Variants in CENPW observed in about 807,000 individuals in gnomAD.
The protein encoded by CENPW is cancer-up-regulated gene 2 protein.
A neutral mutation model predicts 11.1 loss-of-function variants in CENPW; 3 were observed. The ratio of observed to expected loss-of-function variants is 0.27; its 90% CI spans 0.12 to 0.70. The LOEUF is 0.70. Ranked by LOEUF, CENPW falls within the 30% of genes least tolerant of loss-of-function variation. CENPW has a pLI of 0.77. For missense variants in CENPW, 100 were observed against 105.6 expected, an observed-to-expected ratio of 0.95 and a Z score of 0.23; for synonymous variants, 38 against 42.0, an observed-to-expected ratio of 0.91 and a Z score of 0.37.
chr6:126,482,987 A>AT, the CENPW span, among the ~76,000 whole-genome samples: 6 of 151,904 alleles, frequency 3.9e-5, no homozygotes, highest in South Asian at 2.1e-4. Flanking sequence ...CTATTTAGTT[A>AT]TTTTGATATT....
chr6:126,351,896 T>G (rs74340853), downstream of CENPW, among the ~76,000 whole-genome samples: 2,053 of 152,192 alleles, frequency 0.013, 111 homozygotes, highest in East Asian at 0.18. Context: ...ATATAGCACC[T>G]TGTGGCTGTA....
At chr6:126,466,810 G>A in the CENPW span, among the ~76,000 whole-genome samples, 1 of 151,978 alleles carries the variant, frequency 6.6e-6, no homozygotes, top group Admixed American at 6.6e-5. Context: ...CAATATCAAT[G>A]TACAAAAATC....
chr6:126,420,696 A>T, the CENPW span, among the ~76,000 whole-genome samples: 1 of 152,124 alleles, frequency 6.6e-6, no homozygotes, highest in African/African-American at 2.4e-5. Flanking sequence ...TTTGAAGAAA[A>T]TGTCCTCTGT....
the CENPW span, among the ~76,000 whole-genome samples, chr6:126,454,918 A>T: frequency 2.6e-5 from 4 of 151,368 alleles, no homozygotes; most frequent in African/African-American, 4.8e-5. Flanking sequence ...AATAAAAAAA[A>T]CCCCTCAAAA....
the CENPW span, among the ~76,000 whole-genome samples, chr6:126,353,899 T>G: frequency 6.6e-6 from 1 of 152,068 alleles, no homozygotes; most frequent in East Asian, 1.9e-4. Context: ...AGATCATGTG[T>G]ATGTGTATTT....
chr6:126,364,984 C>T, the CENPW span, among the ~76,000 whole-genome samples: 4,891 of 152,256 alleles, frequency 0.032, 115 homozygotes, highest in Non-Finnish European at 0.046. Context: ...AGAGAAGTAA[C>T]TTGATGCACA....
the CENPW span, among the ~76,000 whole-genome samples, chr6:126,432,192 T>C: frequency 1.3e-5 from 2 of 152,126 alleles, no homozygotes; most frequent in African/African-American, 4.8e-5. Flanking sequence ...GTGGCATTCA[T>C]GTGCTCTCAA....
chr6:126,387,618 G>A, the CENPW span, among the ~76,000 whole-genome samples: 1 of 151,892 alleles, frequency 6.6e-6, no homozygotes, highest in Non-Finnish European at 1.5e-5. Flanking sequence ...TGAATCAGTC[G>A]ATATAATTAA....
the CENPW span, among the ~76,000 whole-genome samples, chr6:126,456,663 A>T: frequency 6.6e-6 from 1 of 151,662 alleles, no homozygotes; most frequent in Non-Finnish European, 1.5e-5. Context: ...CATGATGAAG[A>T]CACCAAAAGC....
the CENPW span, among the ~76,000 whole-genome samples, chr6:126,369,322 G>A: frequency 1.3e-5 from 2 of 152,130 alleles, no homozygotes; most frequent in Non-Finnish European, 2.9e-5. Flanking sequence ...TGGATCAAAT[G>A]GTAGTTCTAC....
At chr6:126,363,735 T>G in the CENPW span, among the ~76,000 whole-genome samples, 1 of 152,338 alleles carries the variant, frequency 6.6e-6, no homozygotes, top group East Asian at 1.9e-4. Flanking sequence ...GCTAAGTATT[T>G]AAACTCATCT....
chr6:126,366,694 A>G, the CENPW span, among the ~76,000 whole-genome samples: 1 of 152,170 alleles, frequency 6.6e-6, no homozygotes, highest in Non-Finnish European at 1.5e-5. Context: ...CTATCCCTGT[A>G]CTTCATGTTA....
At chr6:126,408,976 T>C in the CENPW span, among the ~76,000 whole-genome samples, 2 of 152,022 alleles carry the variant, frequency 1.3e-5, no homozygotes, top group South Asian at 2.1e-4. Context: ...TTAATATTTA[T>C]TTTTCTCTAC....
At chr6:126,456,922 T>G in the CENPW span, among the ~76,000 whole-genome samples, 11 of 151,494 alleles carry the variant, frequency 7.3e-5, no homozygotes, top group Admixed American at 7.3e-4. Context: ...GACATACCTG[T>G]GGCCTACAGG....
the CENPW span, among the ~76,000 whole-genome samples, chr6:126,458,880 A>T: frequency 6.6e-6 from 1 of 151,316 alleles, no homozygotes; most frequent in African/African-American, 2.4e-5. Flanking sequence ...ACATTCTCAG[A>T]TCCCTTTTGG....
At chr6:126,341,136 T>G (rs1780299672) in intron 1 of CENPW, among the ~76,000 whole-genome samples, 1 of 152,214 alleles carries the variant, frequency 6.6e-6, no homozygotes, top group African/African-American at 2.4e-5. Context: ...CAAACCACTG[T>G]ATAATAATGT....
chr6:126,482,023 G>A, the CENPW span, among the ~76,000 whole-genome samples: 2 of 151,900 alleles, frequency 1.3e-5, no homozygotes, highest in South Asian at 2.1e-4. Flanking sequence ...TTTTCTTTGT[G>A]TTGTATTTAT....
the CENPW span, among the ~76,000 whole-genome samples, chr6:126,429,944 T>C: frequency 3.9e-5 from 6 of 152,228 alleles, no homozygotes; most frequent in African/African-American, 7.2e-5. Flanking sequence ...CTCATGCCTC[T>C]ATGCCTTTGT....
chr6:126,470,988 G>T, the CENPW span, among the ~76,000 whole-genome samples: 2 of 152,274 alleles, frequency 1.3e-5, no homozygotes, highest in Admixed American at 1.3e-4. Context: ...TGTCTCAGAT[G>T]AAACTTTGTA....
Sources: allele counts gnomAD v4.1 joint callset (sites outside exome capture counted in the v4.1 genomes callset), GRCh38; gene constraint gnomAD v4.1.1; transcripts MANE v1.5; gene names NCBI Gene and HGNC (gene_info 2026-07-23, HGNC 2026-07-21).